The following RPS6KC1 variants were observed in gnomAD, a reference collection of about 807,000 sequenced individuals.
RPS6KC1 encodes the protein inactive ribosomal protein S6 kinase delta-1.
A neutral mutation model predicts 103.8 loss-of-function variants in RPS6KC1; 54 were observed. The observed-to-expected ratio is 0.52, with a 90% CI of 0.42 to 0.65. The LOEUF is 0.65. Ranked by LOEUF, RPS6KC1 falls within the 30% of genes least tolerant of loss-of-function variation. RPS6KC1 has a pLI of 0.00. For synonymous variants in RPS6KC1, 439 were observed against 438.7 expected (o/e 1.00, Z -0.01); for missense variants, 1,151 against 1,253.8 (o/e 0.92, Z 1.24).
At chr1:213,725,884 A>C in the RPS6KC1 span, among the ~76,000 whole-genome samples, 1 of 152,166 alleles carries the variant, frequency 6.6e-6, no homozygotes, top group Non-Finnish European at 1.5e-5. Flanking sequence ...GAGTGCTGGC[A>C]AATATGTTTT....
rs2085369098 is a variant in RPS6KC1 at position 213,129,670 on chromosome 1, G to T, written c.616G>T (p.Ala206Ser). 1 of 1,613,918 alleles carries T rather than the reference G, an allele frequency of 6.2e-7. No individual in the cohort carries two copies. Among genetic ancestry groups the T allele is most frequent in the Non-Finnish European group, 8.5e-7 (1 of 1,179,964 alleles). Residue 206 changes from alanine (A) to serine (S), a missense_variant, in exon 6 of 15, where the codon GCT becomes TCT. By Grantham distance (99) the Ala-to-Ser change is moderately conservative. This residue lies in a region of RPS6KC1 where 959 missense variants were observed against 1,006.3 expected (regional missense o/e 0.95). Coordinates refer to ENST00000366960, the MANE Select transcript of RPS6KC1 (RefSeq NM_012424.6). The stretch of plus-strand genomic sequence containing the variant: ...TTCTTCGGATTCTTCAGCACTAGGG[G>T]CTGTTGCTTCTGACAGTGAACAGAG... ...NLSSDSSALGAVASDSEQSKT... is the reference protein window; with the variant it reads ...NLSSDSSALGSVASDSEQSKT...
At chr1:213,751,107 A>C in the RPS6KC1 span, among the ~76,000 whole-genome samples, 93 of 152,152 alleles carry the variant, frequency 6.1e-4, no homozygotes, top group Non-Finnish European at 1.8e-4. Flanking sequence ...TACCAATTTT[A>C]GCAATTTACC....
intron 7 of RPS6KC1, among the ~76,000 whole-genome samples, chr1:213,169,541 T>C (rs1279384204): frequency 1.3e-5 from 2 of 152,130 alleles, no homozygotes; most frequent in Non-Finnish European, 2.9e-5. Flanking sequence ...TCCTTTACTT[T>C]TTCACCATTG....
the RPS6KC1 span, among the ~76,000 whole-genome samples, chr1:213,346,259 GTATT>G: frequency 6.6e-6 from 1 of 152,012 alleles, no homozygotes; most frequent in African/African-American, 2.4e-5. Context: ...AACAGAACTA[GTATT>G]TATTTGTTTT....
chr1:213,800,478 G>A, the RPS6KC1 span, among the ~76,000 whole-genome samples: 4 of 151,968 alleles, frequency 2.6e-5, no homozygotes, highest in Admixed American at 6.5e-5. Context: ...TCATGGTCAG[G>A]AATATTGGTC....
intron 1 of RPS6KC1, 121 bp from the exon 2 acceptor site, chr1:213,070,885 A>C: frequency 1.6e-6 from 1 of 611,436 alleles, no homozygotes; most frequent in Non-Finnish European, 2.8e-6. Flanking sequence ...TAAATGATAT[A>C]GTGTTTATTT....
the RPS6KC1 span, among the ~76,000 whole-genome samples, chr1:213,618,815 C>T: frequency 6.6e-6 from 1 of 152,094 alleles, no homozygotes; most frequent in African/African-American, 2.4e-5. Context: ...ATTGAAAACC[C>T]TTATGGTGAG....
At chr1:213,379,173 G>A in the RPS6KC1 span, among the ~76,000 whole-genome samples, 5 of 152,210 alleles carry the variant, frequency 3.3e-5, no homozygotes, top group Admixed American at 1.3e-4. Flanking sequence ...GGCCTGGTAC[G>A]TGTGGATCTT....
At chr1:213,856,424 TTCTC>T in the RPS6KC1 span, among the ~76,000 whole-genome samples, 4 of 151,894 alleles carry the variant, frequency 2.6e-5, no homozygotes, top group Admixed American at 1.3e-4. Context: ...TCCTTCTTCT[TTCTC>T]TCTCTCTGTG....
chr1:213,644,604 T>C, the RPS6KC1 span, among the ~76,000 whole-genome samples: 9 of 152,016 alleles, frequency 5.9e-5, no homozygotes, highest in African/African-American at 2.2e-4. Context: ...GAATCTCATA[T>C]AGTTGGAATT....
At chr1:213,270,784 TTAGA>T (rs1354728378) in intron 14 of RPS6KC1, among the ~76,000 whole-genome samples, 8 of 152,106 alleles carry the variant, frequency 5.3e-5, no homozygotes, top group Admixed American at 1.3e-4. Context: ...GGGCGGAAAG[TTAGA>T]TATTTCACCA....
At chr1:213,232,947 C>G (rs2094139068) in intron 10 of RPS6KC1, among the ~76,000 whole-genome samples, 1 of 151,820 alleles carries the variant, frequency 6.6e-6, no homozygotes, top group African/African-American at 2.4e-5. Flanking sequence ...TACATATTGC[C>G]ATTTGGCTTT....
chr1:213,858,117 G>A, the RPS6KC1 span, among the ~76,000 whole-genome samples: 13 of 152,070 alleles, frequency 8.5e-5, no homozygotes, highest in African/African-American at 1.7e-4. Context: ...CAAGATATGC[G>A]TATCAATAAC....
the RPS6KC1 span, among the ~76,000 whole-genome samples, chr1:213,634,896 A>G: frequency 1.3e-5 from 2 of 152,120 alleles, no homozygotes; most frequent in Admixed American, 6.6e-5. Context: ...AAAGAAGAAA[A>G]GAGAGAAGAA....
At chr1:213,095,238 C>T (rs1358172601) in intron 3 of RPS6KC1, among the ~76,000 whole-genome samples, 1 of 152,164 alleles carries the variant, frequency 6.6e-6, no homozygotes, top group Non-Finnish European at 1.5e-5. Context: ...GAATTTAATC[C>T]AGAGAATCTT....
the RPS6KC1 span, among the ~76,000 whole-genome samples, chr1:213,496,393 T>C: frequency 1.3e-5 from 2 of 152,106 alleles, no homozygotes; most frequent in Admixed American, 1.3e-4. Flanking sequence ...TAGGTGGATG[T>C]AAACAAACAC....
chr1:213,089,601 A>G (rs2080776493), intron 3 of RPS6KC1, among the ~76,000 whole-genome samples: 1 of 151,974 alleles, frequency 6.6e-6, no homozygotes, highest in Admixed American at 6.6e-5. Context: ...AGCTGGGAAT[A>G]CAGGCATGTG....
chr1:213,568,809 G>A, the RPS6KC1 span, among the ~76,000 whole-genome samples: 1 of 152,212 alleles, frequency 6.6e-6, no homozygotes, highest in Non-Finnish European at 1.5e-5. Flanking sequence ...ACTGTGGTAA[G>A]GGAACAGGGA....
At chr1:213,128,444 G>T (rs2085236135) in intron 5 of RPS6KC1, among the ~76,000 whole-genome samples, 1 of 152,104 alleles carries the variant, frequency 6.6e-6, no homozygotes, top group African/African-American at 2.4e-5. Flanking sequence ...ATGAACAAAA[G>T]CTTTTTAGAG....
Sources: allele counts gnomAD v4.1 joint callset (sites outside exome capture counted in the v4.1 genomes callset), GRCh38; gene constraint gnomAD v4.1.1; regional missense constraint gnomAD v4.1.1; transcripts MANE v1.5; gene names NCBI Gene and HGNC (gene_info 2026-07-23, HGNC 2026-07-21).